DCP1A: variants seen among roughly 807,000 people sequenced by gnomAD.
DCP1A encodes mRNA-decapping enzyme 1A.
A neutral mutation model predicts 58.0 loss-of-function variants in DCP1A; 20 were observed. The observed-to-expected ratio is 0.34, with a 90% confidence interval of 0.24 to 0.50. The LOEUF is 0.50. Ranked by LOEUF, DCP1A falls within the 20% of genes least tolerant of loss-of-function variation. The probability of loss-of-function intolerance (pLI) is 0.98; values close to 1 mark genes in which losing one functional copy is unlikely to be tolerated. For synonymous variants in DCP1A, 285 were observed against 275.1 expected (o/e 1.04, Z -0.36); for missense variants, 613 against 712.2 (o/e 0.86, Z 1.59).
chr3:53,342,987 G>C (rs1329906450), intron 2 of DCP1A, among the ~76,000 whole-genome samples: 1 of 152,166 alleles, frequency 6.6e-6, no homozygotes, highest in Non-Finnish European at 1.5e-5. Context: ...TAGCGCTCCT[G>C]AGTTAGACGG....
intron 4 of DCP1A, among the ~76,000 whole-genome samples, chr3:53,312,719 C>T (rs902251369): frequency 2.6e-5 from 4 of 152,050 alleles, no homozygotes; most frequent in African/African-American, 9.7e-5. Context: ...TGGTCTCAAT[C>T]TCCTGACCTC....
At chr3:53,287,946 T>C (rs1553685364) in intron 9 of DCP1A, 119 bp downstream of exon 9, 2 of 1,048,046 alleles carry the variant, frequency 1.9e-6, no homozygotes, top group Non-Finnish European at 2.7e-6. Flanking sequence ...TGAGCCACTT[T>C]GCCTGGCCTC....
At chr3:53,321,416 G>A (rs1165071306) in intron 3 of DCP1A, among the ~76,000 whole-genome samples, 2 of 152,198 alleles carry the variant, frequency 1.3e-5, no homozygotes, top group African/African-American at 4.8e-5. Flanking sequence ...CAGTCTCAGA[G>A]CTATAAGTAA....
chr3:53,294,940 C>T (rs1707067609), intron 6 of DCP1A, among the ~76,000 whole-genome samples: 1 of 152,190 alleles, frequency 6.6e-6, no homozygotes, highest in Non-Finnish European at 1.5e-5. Context: ...GTAATGGCAC[C>T]ACCACCCAGG....
chr3:53,344,755 G>A, intron 2 of DCP1A, 147 bp downstream of exon 2: 1 of 544,260 alleles, frequency 1.8e-6, no homozygotes, highest in Non-Finnish European at 3.2e-6. Flanking sequence ...GAAAGAACCT[G>A]GTTAAGATTT....
chr3:53,321,299 G>C (rs1172360584), intron 3 of DCP1A, among the ~76,000 whole-genome samples: 3 of 152,242 alleles, frequency 2.0e-5, no homozygotes, highest in Non-Finnish European at 4.4e-5. Flanking sequence ...GGAGAGACAA[G>C]TCTATGCTAC....
At chr3:53,291,695 A>C (rs1378316691) in intron 7 of DCP1A, among the ~76,000 whole-genome samples, 1 of 152,080 alleles carries the variant, frequency 6.6e-6, no homozygotes, top group Non-Finnish European at 1.5e-5. Flanking sequence ...CATACCTTCG[A>C]GTCTAGGATG....
At chr3:53,331,676 T>C (rs1553691295) in intron 3 of DCP1A, among the ~76,000 whole-genome samples, 1 of 152,172 alleles carries the variant, frequency 6.6e-6, no homozygotes, top group Non-Finnish European at 1.5e-5. Context: ...CTGTACTTTA[T>C]TATTGATTCA....
intron 4 of DCP1A, among the ~76,000 whole-genome samples, chr3:53,319,089 C>T (rs1707890314): frequency 6.6e-6 from 1 of 151,970 alleles, no homozygotes; most frequent in South Asian, 2.1e-4. Flanking sequence ...AGATTTAATG[C>T]CCTGGAAAAA....
At chr3:53,322,956 C>T (rs537960255) in intron 3 of DCP1A, among the ~76,000 whole-genome samples, 16 of 151,708 alleles carry the variant, frequency 1.1e-4, no homozygotes, top group African/African-American at 2.4e-4. Context: ...TACAGGCGCC[C>T]GGGGATTACA....
intron 2 of DCP1A, 66 bp downstream of exon 2, chr3:53,344,836 T>A (rs966441930): frequency 2.5e-6 from 3 of 1,223,812 alleles, no homozygotes; most frequent in Middle Eastern, 1.9e-4. Context: ...TACAAGAGAA[T>A]TGAACCGTTT....
chr3:53,336,787 T>C (rs1159030978), intron 3 of DCP1A, among the ~76,000 whole-genome samples: 4 of 152,196 alleles, frequency 2.6e-5, no homozygotes, highest in Non-Finnish European at 4.4e-5. Flanking sequence ...TAAATTTGTA[T>C]GAGGGAAGTC....
chr3:53,323,603 C>T (rs910310627), intron 3 of DCP1A, among the ~76,000 whole-genome samples: 4 of 152,134 alleles, frequency 2.6e-5, no homozygotes, highest in Non-Finnish European at 5.9e-5. Flanking sequence ...TGCAGTGGCT[C>T]ATGCCTGTAA....
At chr3:53,295,817 T>G (rs1369467265) in intron 6 of DCP1A, among the ~76,000 whole-genome samples, 7 of 152,218 alleles carry the variant, frequency 4.6e-5, no homozygotes, top group Non-Finnish European at 5.9e-5. Flanking sequence ...GAAAATTAAA[T>G]TCTCAATATA....
chr3:53,323,704 A>G (rs1708035321), intron 3 of DCP1A, among the ~76,000 whole-genome samples: 1 of 152,014 alleles, frequency 6.6e-6, no homozygotes, highest in Non-Finnish European at 1.5e-5. Flanking sequence ...TCTACTAAAA[A>G]TACAAAAATT....
At chr3:53,330,825 A>G (rs1016541051) in intron 3 of DCP1A, among the ~76,000 whole-genome samples, 1 of 121,604 alleles carries the variant, frequency 8.2e-6, no homozygotes, top group East Asian at 2.3e-4. Context: ...ATATATATAT[A>G]TTTTTTTTTT....
chr3:53,313,943 T>C (rs1439451128), intron 4 of DCP1A, among the ~76,000 whole-genome samples: 3 of 152,128 alleles, frequency 2.0e-5, no homozygotes, highest in Non-Finnish European at 4.4e-5. Context: ...TATGTTGCCC[T>C]GGCTGGTCCC....
intron 3 of DCP1A, among the ~76,000 whole-genome samples, chr3:53,334,771 C>CAA (rs1553691707): frequency 6.6e-6 from 1 of 152,184 alleles, no homozygotes; most frequent in African/African-American, 2.4e-5. Flanking sequence ...TCACGCGCTG[C>CAA]AAATGCTCAA....
At chr3:53,318,880 C>T (rs190052176) in intron 4 of DCP1A, among the ~76,000 whole-genome samples, 1 of 152,260 alleles carries the variant, frequency 6.6e-6, no homozygotes, top group Admixed American at 6.5e-5. Flanking sequence ...CATATGGTAT[C>T]ACTTGTTACA....
Sources: gnomAD v4.1 joint callset for allele counts (sites outside exome capture counted in the v4.1 genomes callset) on GRCh38, gnomAD v4.1.1 for gene constraint, MANE v1.5 for transcripts, NCBI Gene and HGNC (gene_info 2026-07-23, HGNC 2026-07-21) for gene names.